Variants in HNRNPH1 observed in about 807,000 individuals in gnomAD.
The protein encoded by HNRNPH1 is heterogeneous nuclear ribonucleoprotein H1.
A neutral mutation model predicts 58.6 loss-of-function variants in HNRNPH1; 4 were observed. That is an observed-to-expected ratio of 0.07 (90% CI 0.03 to 0.16). HNRNPH1 has a LOEUF of 0.16. Among genes scored for constraint, HNRNPH1 ranks in the 10% least tolerant of loss-of-function variants. The pLI is 1.00. For synonymous variants in HNRNPH1, 192 were observed against 189.2 expected (o/e 1.01, Z -0.12); for missense variants, 271 against 564.2 (o/e 0.48, Z 5.26).
At chr5:179,616,369 G>T in intron 10 of HNRNPH1, 151 bp from the exon 12 acceptor site, 1 of 660,742 alleles carries the variant, frequency 1.5e-6, no homozygotes, top group Non-Finnish European at 2.7e-6. Flanking sequence ...CTATAACCAG[G>T]CCACCCTTCT....
upstream of HNRNPH1, among the ~76,000 whole-genome samples, chr5:179,628,621 G>A (rs1367155146): frequency 1.1e-4 from 16 of 152,010 alleles, no homozygotes; most frequent in Non-Finnish European, 2.4e-4. Context: ...ATGAGCCACC[G>A]CACCTGGCCA....
chr5:179,621,924 C>G (rs765828208), intron 1 of HNRNPH1: 2 of 456,138 alleles, frequency 4.4e-6, no homozygotes, highest in African/African-American at 2.0e-5. Context: ...CCCTGCAAGG[C>G]GGCTTCCAGC....
chr5:179,621,919 C>A (rs573528055), intron 1 of HNRNPH1: 1 of 454,486 alleles, frequency 2.2e-6, no homozygotes, highest in East Asian at 6.9e-5. Context: ...TTGCCCCCTG[C>A]AAGGCGGCTT....
intron 10 of HNRNPH1, chr5:179,616,485 A>C (rs561891084): frequency 5.6e-6 from 3 of 532,654 alleles, no homozygotes; most frequent in African/African-American, 3.8e-5. Context: ...CATTTTGTGA[A>C]GATCTTATGA....
At chr5:179,620,769 A>ATT (rs1771966547) in intron 3 of HNRNPH1, 123 bp downstream of exon 4, 1 of 785,152 alleles carries the variant, frequency 1.3e-6, no homozygotes, top group South Asian at 1.8e-5. Context: ...GGAAGAAAAC[A>ATT]TTAATTCATT....
At chr5:179,622,302 A>C (rs1323323398) in intron 1 of HNRNPH1, among the ~76,000 whole-genome samples, 1 of 152,260 alleles carries the variant, frequency 6.6e-6, no homozygotes, top group Non-Finnish European at 1.5e-5. Flanking sequence ...CAAAACTGGA[A>C]ACAAGAGGTT....
intron 1 of HNRNPH1, chr5:179,621,947 T>G: frequency 2.2e-6 from 1 of 456,374 alleles, no homozygotes; most frequent in Non-Finnish European, 4.4e-6. Flanking sequence ...ACTTGGTTCT[T>G]GTTTTACAGG....
At position 179,617,485 on chromosome 5, in the gene HNRNPH1, A is replaced by ATGT. The variant is rs750006149; in HGVS notation, c.1057+28_1057+29insACA. 2.0e-5 allele frequency: 32 copies of ATGT among 1,607,586 alleles called. No individual in the cohort carries two copies. In the African/African-American group the frequency reaches 4.3e-4, roughly 21 times the overall value. ...ATGTTAGTCACACAATCACCTGTTA[A>ATGT]GAGCCCACAAATGCTCAATCACACT... is the stretch of plus-strand genomic sequence containing the variant. On this transcript the variant is annotated intron_variant, in intron 8 of 12. Coordinates refer to ENST00000356731, the Ensembl canonical transcript of HNRNPH1.
intron 10 of HNRNPH1, 107 bp downstream of exon 11, chr5:179,616,762 C>G: frequency 1.0e-6 from 1 of 970,342 alleles, no homozygotes; most frequent in Non-Finnish European, 1.6e-6. Flanking sequence ...AACTGCTTTG[C>G]CTAAGTTTCT....
chr5:179,614,945 C>T (rs1370313101), exon 13 of HNRNPH1: 7 of 1,546,634 alleles, frequency 4.5e-6, no homozygotes, highest in Middle Eastern at 1.7e-4. Context: ...CTGCTGTTCA[C>T]TGCTCCTTGG....
intron 1 of HNRNPH1, chr5:179,634,339 G>T (rs1362969212): frequency 1.3e-5 from 1 of 79,272 alleles, no homozygotes; most frequent in African/African-American, 4.5e-5. Context: ...GGGAAGCCAA[G>T]CCAAGTCACA....
intron 12 of HNRNPH1, 170 bp downstream of exon 13, chr5:179,615,376 T>C: frequency 2.0e-6 from 1 of 507,990 alleles, no homozygotes; most frequent in South Asian, 3.7e-5. Flanking sequence ...GCTTTTCCTA[T>C]TCATGGTGGG....
intron 1 of HNRNPH1, 84 bp downstream of exon 2, chr5:179,622,938 GCCCGGCCCGCCCCGC>G (rs1304982964): frequency 4.1e-4 from 21 of 50,730 alleles, no homozygotes; most frequent in South Asian, 1.3e-3. Flanking sequence ...GCCCGGCCCG[GCCCGGCCCGCCCCGC>G]CCCGCCCCGC....
upstream of HNRNPH1, among the ~76,000 whole-genome samples, chr5:179,626,043 C>A (rs765121428): frequency 6.8e-4 from 104 of 152,026 alleles, no homozygotes; most frequent in Non-Finnish European, 2.6e-4. Flanking sequence ...TCCACCTCAG[C>A]CTCGCAGAGA....
intron 2 of HNRNPH1, among the ~76,000 whole-genome samples, chr5:179,633,591 C>A (rs1487660685): frequency 6.7e-6 from 1 of 149,948 alleles, no homozygotes; most frequent in South Asian, 2.1e-4. Context: ...GGATTACGGG[C>A]GTGAGCCACC....
intron 2 of HNRNPH1, among the ~76,000 whole-genome samples, chr5:179,630,453 T>A (rs79887241): frequency 0.11 from 16,413 of 151,972 alleles, 983 homozygotes; most frequent in African/African-American, 0.14. Context: ...GAAATGCAAA[T>A]TAAATAAAAT....
At chr5:179,614,785 A>AG (rs1491465207) in exon 13 of HNRNPH1, 980 of 34,306 alleles carry the variant, frequency 0.029, 5 homozygotes, top group African/African-American at 0.22. Context: ...TTTCTTAAAG[A>AG]AAAAAAAAAA....
intron 1 of HNRNPH1, chr5:179,621,907 T>C (rs1321110599): frequency 4.4e-6 from 2 of 456,042 alleles, no homozygotes; most frequent in Non-Finnish European, 8.8e-6. Flanking sequence ...CCAAACCCAG[T>C]GTTGCCCCCT....
chr5:179,619,138 T>C (rs2127648151), intron 4 of HNRNPH1, 131 bp downstream of exon 5: 1 of 819,302 alleles, frequency 1.2e-6, no homozygotes, highest in Non-Finnish European at 1.9e-6. Context: ...TGACACAAGT[T>C]TGGAAATCAT....
Sources: allele counts gnomAD v4.1 joint callset (sites outside exome capture counted in the v4.1 genomes callset), GRCh38; gene constraint gnomAD v4.1.1; transcripts MANE v1.5; gene names NCBI Gene and HGNC (gene_info 2026-07-23, HGNC 2026-07-21).